Variants in ACTA2 observed in about 807,000 individuals in gnomAD.
ACTA2 encodes the protein actin, aortic smooth muscle.
In ACTA2, 12 loss-of-function variants were observed where a neutral mutation model predicts 39.5. The observed-to-expected ratio is 0.30, with a 90% CI of 0.19 to 0.49. ACTA2 has a LOEUF of 0.49. Among genes scored for constraint, ACTA2 ranks in the 20% least tolerant of loss-of-function variants. ACTA2 has a pLI of 0.99. For missense variants in ACTA2, 236 were observed against 498.8 expected, an observed-to-expected ratio of 0.47 and a Z score of 5.02; for synonymous variants, 158 against 180.6, an observed-to-expected ratio of 0.88 and a Z score of 1.00.
upstream of ACTA2, among the ~76,000 whole-genome samples, chr10:88,954,476 TC>T (rs1846101681): frequency 6.6e-6 from 1 of 152,126 alleles, no homozygotes; most frequent in South Asian, 2.1e-4. Context: ...AAGCAAAATT[TC>T]CATATTTTCT....
chr10:88,946,504 C>T (rs1293677759), intron 3 of ACTA2, among the ~76,000 whole-genome samples: 1 of 151,832 alleles, frequency 6.6e-6, no homozygotes, highest in Non-Finnish European at 1.5e-5. Context: ...GTGATCCTCC[C>T]ACCTCAATCT....
At chr10:88,978,902 T>A (rs1279202456) in intron 1 of ACTA2, among the ~76,000 whole-genome samples, 1 of 151,414 alleles carries the variant, frequency 6.6e-6, no homozygotes, top group Admixed American at 6.6e-5. Flanking sequence ...TTATTATTAT[T>A]ATATTATTAT....
At chr10:88,959,005 G>A (rs929198534) in intron 1 of ACTA2, among the ~76,000 whole-genome samples, 3 of 152,124 alleles carry the variant, frequency 2.0e-5, no homozygotes, top group African/African-American at 7.2e-5. Context: ...CTTTGGAGAA[G>A]ACCACAAACA....
At position 88,990,972 on chromosome 10, in the gene ACTA2, C is replaced by A; in HGVS notation, c.-57G>T. 1.2e-6 allele frequency: 2 copies of A among 1,608,606 alleles called. No homozygotes were observed. The highest frequency in any genetic ancestry group is 1.7e-6 in the Non-Finnish European group (2 of 1,175,340). On this transcript the variant is annotated 5_prime_UTR_variant, in exon 1 of 5. Coordinates refer to the ACTA2 transcript ENST00000415557. The surrounding 1 kb of genome is among the most constrained non-coding windows in gnomAD (Gnocchi z 4.9). ...AGTCCCGGGGATAGGCAAAGTGGGG[C>A]GGGCGCGGGACGCGTGCGGGATTGC...
upstream of ACTA2, among the ~76,000 whole-genome samples, chr10:88,956,439 C>T (rs538070533): frequency 4.6e-5 from 7 of 152,150 alleles, no homozygotes; most frequent in Admixed American, 3.9e-4. Flanking sequence ...CTTAGAAGGA[C>T]CTTCGTGAAT....
chr10:88,948,888 CA>C lies in ACTA2; in HGVS notation c.42del (p.Asn14LysfsTer32). 6.2e-7 allele frequency: 1 copy of C among 1,613,976 alleles called. No individual in the cohort carries two copies. The highest frequency in any genetic ancestry group is 8.5e-7 in the Non-Finnish European group (1 of 1,179,888). On this transcript the variant is annotated frameshift_variant, in exon 2 of 9. Transcript: ENST00000224784. LOFTEE classifies it high-confidence loss of function. ...AAGCCGGCCTTACAGAGCCCAGAGCCATTGTCACACACCAAGGCAGTGCTGT... is the reference window on the plus strand; with the variant it reads ...AAGCCGGCCTTACAGAGCCCAGAGCCTTGTCACACACCAAGGCAGTGCTGT... The part of the protein sequence containing the change: ...EEDSTALVCD[N>X]GSGLCKAGFA...
At chr10:88,950,243 G>A (rs1846025252) in intron 1 of ACTA2, among the ~76,000 whole-genome samples, 1 of 152,196 alleles carries the variant, frequency 6.6e-6, no homozygotes, top group South Asian at 2.1e-4. Context: ...TCCGTTAAGA[G>A]AAGGACACCC....
intron 2 of ACTA2, chr10:88,948,190 C>A (rs1166336689): frequency 1.9e-5 from 3 of 158,962 alleles, no homozygotes; most frequent in Admixed American, 5.9e-5. Flanking sequence ...TGAATATATC[C>A]CAAGCAGAGA....
intron 1 of ACTA2, among the ~76,000 whole-genome samples, chr10:88,952,530 A>G (rs1032432228): frequency 2.0e-5 from 3 of 152,210 alleles, no homozygotes; most frequent in Non-Finnish European, 4.4e-5. Flanking sequence ...CCCTTCCATC[A>G]TACCAAACTA....
At chr10:88,941,953 G>T in intron 4 of ACTA2, 84 bp from the exon 5 acceptor site, 3 of 1,289,064 alleles carry the variant, frequency 2.3e-6, no homozygotes, top group Non-Finnish European at 3.3e-6. Context: ...GTTGATGGAT[G>T]CAGAGGGGCC....
At chr10:88,983,626 A>T (rs1358059537) in intron 1 of ACTA2, among the ~76,000 whole-genome samples, 7 of 147,456 alleles carry the variant, frequency 4.7e-5, no homozygotes, top group African/African-American at 1.5e-4. Context: ...AAAAAAAAAA[A>T]AAAAAAAAAA....
intron 1 of ACTA2, among the ~76,000 whole-genome samples, chr10:88,979,254 G>C (rs1016816064): frequency 1.1e-4 from 17 of 151,358 alleles, no homozygotes; most frequent in African/African-American, 3.9e-4. Flanking sequence ...TGAGTACTGA[G>C]ACAAAAAAGC....
intron 1 of ACTA2, among the ~76,000 whole-genome samples, chr10:88,976,682 G>A (rs2133336268): frequency 6.6e-6 from 1 of 152,262 alleles, no homozygotes; most frequent in African/African-American, 2.4e-5. Flanking sequence ...TATTGAGACA[G>A]ATGATTATAA....
At chr10:88,951,973 G>C (rs776826791) in intron 1 of ACTA2, among the ~76,000 whole-genome samples, 1 of 152,208 alleles carries the variant, frequency 6.6e-6, no homozygotes, top group South Asian at 2.1e-4. Flanking sequence ...GCTGAAGGGA[G>C]CTTTAAGCTG....
At chr10:88,962,418 A>C (rs1846239738) in intron 1 of ACTA2, among the ~76,000 whole-genome samples, 1 of 152,154 alleles carries the variant, frequency 6.6e-6, no homozygotes, top group Non-Finnish European at 1.5e-5. Flanking sequence ...AAAGTATGAA[A>C]TGTCATCAAG....
intron 1 of ACTA2, among the ~76,000 whole-genome samples, chr10:88,982,472 T>C (rs1050917251): frequency 2.6e-5 from 4 of 152,048 alleles, no homozygotes; most frequent in Non-Finnish European, 5.9e-5. Context: ...AATGGCAGAA[T>C]ATGTGGTACA....
In ACTA2 at chr10:88,968,965, TC is replaced by T. The variant is rs1304699736; in HGVS notation, c.-23-20013del. Among the ~76,000 whole-genome samples, 6 of 151,904 alleles carry T rather than the reference TC, an allele frequency of 3.9e-5. No individual in the cohort carries two copies. In the East Asian group the frequency reaches 1.2e-3, roughly 29 times the overall value. ...ATAAAACATTACATTATTTGATGTC[TC>T]CCCCCAACCCCCACCCCGCAATACT... On this transcript the variant is annotated intron_variant, in intron 1 of 4. Transcript: ENST00000415557.
At chr10:88,937,926 G>C (rs1845772848) in intron 8 of ACTA2, 135 bp downstream of exon 8, 9 of 936,728 alleles carry the variant, frequency 9.6e-6, no homozygotes, top group Non-Finnish European at 1.5e-5. Flanking sequence ...TAAAATATGA[G>C]ATTTGTGTCC....
chr10:88,955,017 A>C (rs1846112136), upstream of ACTA2, among the ~76,000 whole-genome samples: 1 of 101,814 alleles, frequency 9.8e-6, no homozygotes, highest in Non-Finnish European at 2.2e-5. Context: ...AGTGTCACAC[A>C]AAAAAAAAAA....
Sources: gnomAD v4.1 joint callset for allele counts (sites outside exome capture counted in the v4.1 genomes callset) on GRCh38, gnomAD v4.1.1 for gene constraint, Gnocchi (gnomAD v3.1) non-coding constraint, MANE v1.5 for transcripts, NCBI Gene and HGNC (gene_info 2026-07-23, HGNC 2026-07-21) for gene names.